RIGI: variants seen among roughly 807,000 people sequenced by gnomAD.
RIGI encodes RNA sensor RIG-I, also known as antiviral innate immune response receptor RIG-I.
the RIGI span, chr9:32,480,157 G>C: frequency 1.9e-6 from 3 of 1,552,420 alleles, no homozygotes; most frequent in African/African-American, 4.1e-5. Context: ...ATACATGTTT[G>C]TTTTGCCATT....
chr9:32,522,648 T>C, the RIGI span, among the ~76,000 whole-genome samples: 1 of 152,208 alleles, frequency 6.6e-6, no homozygotes, highest in African/African-American at 2.4e-5. Context: ...GGAACAGTAA[T>C]GATACAGATT....
the RIGI span, chr9:32,493,829 T>C: frequency 1.2e-6 from 2 of 1,611,324 alleles, no homozygotes; most frequent in Non-Finnish European, 1.7e-6. Flanking sequence ...TCGGTTGGGA[T>C]AATTCTGGTT....
At chr9:32,514,241 T>C in the RIGI span, among the ~76,000 whole-genome samples, 1 of 152,154 alleles carries the variant, frequency 6.6e-6, no homozygotes, top group South Asian at 2.1e-4. Context: ...TACCAAACTA[T>C]TGTAAATCAT....
At chr9:32,504,420 G>C in the RIGI span, among the ~76,000 whole-genome samples, 3 of 152,094 alleles carry the variant, frequency 2.0e-5, no homozygotes, top group South Asian at 6.3e-4. Context: ...GCTCACGCCT[G>C]TAATCCCAGC....
the RIGI span, chr9:32,493,816 A>G: frequency 2.2e-5 from 36 of 1,610,832 alleles, no homozygotes; most frequent in East Asian, 7.4e-4. Flanking sequence ...ATCAGAAATG[A>G]TATCGGTTGG....
the RIGI span, among the ~76,000 whole-genome samples, chr9:32,462,404 CTTTTTTTT>C: frequency 4.7e-5 from 4 of 85,926 alleles, no homozygotes; most frequent in Admixed American, 3.1e-4. Context: ...TTAGATCTAG[CTTTTTTTT>C]TTTTTTTTTT....
chr9:32,501,592 G>A, the RIGI span, among the ~76,000 whole-genome samples: 2 of 152,248 alleles, frequency 1.3e-5, no homozygotes, highest in Admixed American at 6.5e-5. Context: ...CCTGCTGGTG[G>A]TCATTCTAAC....
At chr9:32,492,301 T>C in the RIGI span, 11 of 1,424,828 alleles carry the variant, frequency 7.7e-6, no homozygotes, top group Non-Finnish European at 1.1e-5. Flanking sequence ...TCTGGCTATC[T>C]GAGGGGAAAA....
chr9:32,459,169 A>G, the RIGI span, among the ~76,000 whole-genome samples: 2 of 152,152 alleles, frequency 1.3e-5, no homozygotes, highest in African/African-American at 4.8e-5. Context: ...TACAGGCATG[A>G]GCCACTATGC....
chr9:32,481,435 T>C, the RIGI span: 1 of 1,612,506 alleles, frequency 6.2e-7, no homozygotes, highest in African/African-American at 1.3e-5. Flanking sequence ...TTCTGAACTG[T>C]AACAATCCAT....
the RIGI span, among the ~76,000 whole-genome samples, chr9:32,497,795 A>C: frequency 6.6e-6 from 1 of 150,724 alleles, no homozygotes; most frequent in African/African-American, 2.5e-5. Context: ...TAATTCTGCC[A>C]TCTGCAAACA....
At chr9:32,478,281 G>A in the RIGI span, among the ~76,000 whole-genome samples, 1 of 152,168 alleles carries the variant, frequency 6.6e-6, no homozygotes, top group African/African-American at 2.4e-5. Flanking sequence ...CTGACCTCAG[G>A]TGGCCCACCC....
chr9:32,515,639 C>T, the RIGI span, among the ~76,000 whole-genome samples: 1 of 152,180 alleles, frequency 6.6e-6, no homozygotes, highest in Non-Finnish European at 1.5e-5. Flanking sequence ...CATTTATCTT[C>T]TCCACTTCCT....
the RIGI span, among the ~76,000 whole-genome samples, chr9:32,469,421 T>C: frequency 6.6e-6 from 1 of 152,100 alleles, no homozygotes; most frequent in East Asian, 1.9e-4. Flanking sequence ...AGACAGGTAG[T>C]AAATCAGGAA....
the RIGI span, among the ~76,000 whole-genome samples, chr9:32,521,210 A>C: frequency 6.7e-6 from 1 of 149,602 alleles, no homozygotes; most frequent in Admixed American, 6.7e-5. Flanking sequence ...AATTCGGCTT[A>C]TAAGGTTTTA....
the RIGI span, among the ~76,000 whole-genome samples, chr9:32,523,182 C>A: frequency 6.6e-6 from 1 of 152,170 alleles, no homozygotes; most frequent in South Asian, 2.1e-4. Flanking sequence ...CCAATTAAAG[C>A]CTTGGCAAAA....
the RIGI span, among the ~76,000 whole-genome samples, chr9:32,493,453 A>G: frequency 1.3e-5 from 2 of 152,090 alleles, no homozygotes; most frequent in African/African-American, 4.8e-5. Context: ...GTGAAACCCC[A>G]TCTCTACTAA....
chr9:32,476,646 CTTT>C, the RIGI span, among the ~76,000 whole-genome samples: 2 of 138,592 alleles, frequency 1.4e-5, no homozygotes, highest in Non-Finnish European at 3.2e-5. Context: ...GAGAAAACGG[CTTT>C]TTTTTTTTTT....
the RIGI span, among the ~76,000 whole-genome samples, chr9:32,506,283 A>G: frequency 5.3e-5 from 8 of 152,218 alleles, no homozygotes; most frequent in Admixed American, 4.6e-4. Flanking sequence ...GAATGTTAAT[A>G]CATTTTCCCC....
Sources: gnomAD v4.1 joint callset for allele counts (sites outside exome capture counted in the v4.1 genomes callset) on GRCh38, gnomAD v4.1.1 for gene constraint, MANE v1.5 for transcripts, NCBI Gene and HGNC (gene_info 2026-07-23, HGNC 2026-07-21) for gene names.